GUCY1A2: variants seen among roughly 807,000 people sequenced by gnomAD.
GUCY1A2 encodes guanylate cyclase 1 soluble subunit alpha 2.
Under a neutral mutation model 63.5 loss-of-function variants are expected in GUCY1A2, and 27 were observed. That is an observed-to-expected ratio of 0.43 (90% confidence interval 0.31 to 0.59). GUCY1A2 has a LOEUF of 0.59. Ranked by LOEUF, GUCY1A2 falls within the 20% of genes least tolerant of loss-of-function variation. The probability of loss-of-function intolerance (pLI) is 0.11; values close to 1 mark genes in which losing one functional copy is unlikely to be tolerated. For missense variants in GUCY1A2, 768 were observed against 913.3 expected (o/e 0.84, Z 2.05); for synonymous variants, 364 against 343.5 (o/e 1.06, Z -0.66).
In GUCY1A2 at chr11:106,676,225, C is replaced by G; in HGVS notation, c.*11324G>C. ...ATTATTATAAAGTCAATTAGAAATACCTACAATGGAAGAATGCCCTTACTC... is the reference window on the plus strand; with the variant it reads ...ATTATTATAAAGTCAATTAGAAATAGCTACAATGGAAGAATGCCCTTACTC... On this transcript the variant is annotated 3_prime_UTR_variant, in exon 8 of 8. Coordinates refer to ENST00000526355, the MANE Select transcript of GUCY1A2 (RefSeq NM_000855.3). 1 of 181,236 alleles carries G rather than the reference C, an allele frequency of 5.5e-6. No individual in the cohort carries two copies. Among genetic ancestry groups the G allele is most frequent in the Non-Finnish European group, 1.2e-5 (1 of 84,856 alleles). 11.2% of individuals were successfully genotyped at this position (181,236 alleles called of 1,614,324 possible).
chr11:106,855,184 C>T (rs1231111007), intron 4 of GUCY1A2, among the ~76,000 whole-genome samples: 1 of 152,134 alleles, frequency 6.6e-6, no homozygotes, highest in Non-Finnish European at 1.5e-5. Context: ...TTCACTTGCA[C>T]AGACCCTAGG....
chr11:106,862,507 C>A (rs551203887), intron 4 of GUCY1A2, among the ~76,000 whole-genome samples: 17 of 151,860 alleles, frequency 1.1e-4, no homozygotes, highest in East Asian at 3.9e-4. Context: ...AACAAAAAAA[C>A]CAGCCTTTTC....
rs1422948452 is a variant in GUCY1A2, at chr11:106,988,993, T to C, written c.304-2862A>G. ...CAGATGATTTCTGCCTCTGGGGTGG[T>C]AGGGTCCAGCTCTCAACAAACTTTT... is the stretch of plus-strand genomic sequence containing the variant. On this transcript the variant is annotated intron_variant, in intron 1 of 7. Coordinates refer to ENST00000526355, the MANE Select transcript of GUCY1A2 (RefSeq NM_000855.3). Among the ~76,000 whole-genome samples the C allele has an allele frequency of 2.6e-5, 4 of 152,182 alleles. No homozygotes were observed. In the East Asian group the frequency reaches 5.8e-4, roughly 22 times the overall value.
chr11:106,740,855 T>C (rs1451822159), intron 6 of GUCY1A2, among the ~76,000 whole-genome samples: 1 of 152,104 alleles, frequency 6.6e-6, no homozygotes, highest in African/African-American at 2.4e-5. Context: ...GCACGTTTAG[T>C]AGAGACAGCG....
Position 106,970,343 on chromosome 11 carries a change from C to T in GUCY1A2, c.487+8276G>A, listed in dbSNP as rs12287751. ...ACTAAGCAAAAGAGAAAGAGTCTAC[C>T]TATTACAGTAGTATCATGGGCAATC... On this transcript the variant is annotated intron_variant, in intron 3 of 7. Coordinates refer to ENST00000526355, the MANE Select transcript of GUCY1A2 (RefSeq NM_000855.3). 8.2e-3 allele frequency among the ~76,000 whole-genome samples: 1,255 copies of T among 152,218 alleles called. 10 individuals carry two copies. Among genetic ancestry groups the T allele is most frequent in the African/African-American group, 0.028 (1,165 of 41,530 alleles).
At chr11:106,926,932 A>G (rs971767158) in intron 4 of GUCY1A2, among the ~76,000 whole-genome samples, 2 of 150,418 alleles carry the variant, frequency 1.3e-5, no homozygotes, top group African/African-American at 2.4e-5. Context: ...AATCTTCACC[A>G]CTAAATAACA....
At chr11:106,865,774 A>G (rs1359833258) in intron 4 of GUCY1A2, among the ~76,000 whole-genome samples, 11 of 151,884 alleles carry the variant, frequency 7.2e-5, no homozygotes. Flanking sequence ...TATTGTGCAT[A>G]TGCATCCCAG....
chr11:106,706,853 G>C (rs1862922878), intron 7 of GUCY1A2, among the ~76,000 whole-genome samples: 1 of 152,052 alleles, frequency 6.6e-6, no homozygotes. Context: ...ATCTCTACTA[G>C]AGAATTTGAC....
chr11:106,856,739 C>G (rs954594381), intron 4 of GUCY1A2, among the ~76,000 whole-genome samples: 2 of 152,152 alleles, frequency 1.3e-5, no homozygotes, highest in Non-Finnish European at 2.9e-5. Context: ...GTGCATTGTA[C>G]TGAAATGAGT....
chr11:106,855,458 T>A (rs1203942645), intron 4 of GUCY1A2, among the ~76,000 whole-genome samples: 1 of 149,320 alleles, frequency 6.7e-6, no homozygotes, highest in Admixed American at 6.6e-5. Context: ...TGTGTGGTTA[T>A]CCTCTTGCTG....
chr11:106,712,445 TTCTAAGA>T (rs1382834810), intron 6 of GUCY1A2, among the ~76,000 whole-genome samples: 4 of 152,210 alleles, frequency 2.6e-5, no homozygotes, highest in Non-Finnish European at 5.9e-5. Flanking sequence ...TGTCTGCTAA[TTCTAAGA>T]TCTGTTTCAG....
At chr11:106,791,373 A>G (rs1010182902) in intron 5 of GUCY1A2, among the ~76,000 whole-genome samples, 7 of 152,234 alleles carry the variant, frequency 4.6e-5, no homozygotes, top group African/African-American at 7.2e-5. Flanking sequence ...AGTGTCAACA[A>G]TTGAGGACTG....
intron 2 of GUCY1A2, among the ~76,000 whole-genome samples, chr11:106,982,996 A>C (rs577119008): frequency 6.6e-5 from 10 of 152,330 alleles, no homozygotes; most frequent in Admixed American, 6.5e-4. Flanking sequence ...TGAACCTAGG[A>C]AATCAGAACC....
chr11:107,007,853 C>A (rs189475516), intron 1 of GUCY1A2, among the ~76,000 whole-genome samples: 1 of 151,782 alleles, frequency 6.6e-6, no homozygotes, highest in African/African-American at 2.4e-5. Flanking sequence ...TAATAATGAA[C>A]AACACAGCAT....
intron 3 of GUCY1A2, among the ~76,000 whole-genome samples, chr11:106,955,280 CTT>C (rs1229835299): frequency 6.6e-6 from 1 of 152,132 alleles, no homozygotes; most frequent in Non-Finnish European, 1.5e-5. Flanking sequence ...CCCAGTCTGT[CTT>C]TTAAGTGGGG....
At chr11:106,884,534 A>G (rs187769230) in intron 4 of GUCY1A2, among the ~76,000 whole-genome samples, 6 of 152,234 alleles carry the variant, frequency 3.9e-5, no homozygotes, top group Admixed American at 1.3e-4. Context: ...GCCACGTGGA[A>G]GGCTGGGTGG....
chr11:106,969,191 G>A (rs1472062278), intron 3 of GUCY1A2, among the ~76,000 whole-genome samples: 1 of 152,072 alleles, frequency 6.6e-6, no homozygotes, highest in Non-Finnish European at 1.5e-5. Context: ...CTACTCATCA[G>A]ATTAATTTAA....
intron 6 of GUCY1A2, among the ~76,000 whole-genome samples, chr11:106,756,714 C>G (rs529350464): frequency 3.9e-5 from 6 of 152,310 alleles, no homozygotes; most frequent in South Asian, 4.1e-4. Flanking sequence ...GCCGAGAGAT[C>G]TGCTGTTAGT....
At chr11:106,890,513 G>C (rs949003) in intron 4 of GUCY1A2, among the ~76,000 whole-genome samples, 146,573 of 152,284 alleles carry the variant, frequency 0.96, 70,596 homozygotes, top group East Asian at 1. Flanking sequence ...CATGCCTTCT[G>C]TACTCACTAT....
Sources: allele counts gnomAD v4.1 joint callset (sites outside exome capture counted in the v4.1 genomes callset), GRCh38; gene constraint gnomAD v4.1.1; transcripts MANE v1.5; gene names NCBI Gene and HGNC (gene_info 2026-07-23, HGNC 2026-07-21).